Variants in EIF6 observed in about 807,000 individuals in gnomAD.
The protein encoded by EIF6 is eukaryotic translation initiation factor 6.
In EIF6, 10 loss-of-function variants were observed where a neutral mutation model predicts 25.5. That is an observed-to-expected ratio of 0.39 (90% CI 0.24 to 0.66). The LOEUF (loss-of-function observed/expected upper bound fraction) is 0.66. EIF6 is among the 30% of genes least tolerant of loss of function. The pLI is 0.45. For synonymous variants in EIF6, 122 were observed against 122.6 expected (o/e 1.00, Z 0.03); for missense variants, 246 against 315.4 (o/e 0.78, Z 1.67).
intron 4 of EIF6, 78 bp downstream of exon 4, chr20:35,280,576 T>A (rs954703811): frequency 6.5e-7 from 1 of 1,539,432 alleles, no homozygotes; most frequent in Non-Finnish European, 8.8e-7. Flanking sequence ...CCCTAATTGC[T>A]GCCTGTTGGG....
At chr20:35,283,267 CAA>C (rs2060792122) in intron 3 of EIF6, among the ~76,000 whole-genome samples, 1 of 149,824 alleles carries the variant, frequency 6.7e-6, no homozygotes, top group Admixed American at 6.6e-5. Flanking sequence ...GCCTGGGCAA[CAA>C]GAGCGAAAAC....
At position 35,284,709 on chromosome 20, in the gene EIF6, C is replaced by A. The variant is rs2060811378; in HGVS notation, c.-6+17G>T. 1 of 589,410 alleles carries A rather than the reference C, an allele frequency of 1.7e-6. No homozygotes were observed. Among genetic ancestry groups the A allele is most frequent in the Non-Finnish European group, 3.0e-6 (1 of 333,834 alleles). 36.5% of individuals were successfully genotyped at this position (589,410 alleles called of 1,614,324 possible). ...GACCGGAGCTGACCCTCCCAGGTTC[C>A]CCTCACACCAGCTTACCAAGTAACC... On this transcript the variant is annotated intron_variant, in intron 1 of 6. Transcript: ENST00000374450.
At chr20:35,284,147 C>T (rs775731423) in intron 3 of EIF6, 29 bp downstream of exon 3, 1 of 1,558,384 alleles carries the variant, frequency 6.4e-7, no homozygotes, top group Admixed American at 1.8e-5. Context: ...GAGACCACTC[C>T]CTCCCTCGGC....
chr20:35,280,174 G>A, intron 4 of EIF6, 56 bp from the exon 5 acceptor site: 1 of 1,581,480 alleles, frequency 6.3e-7, no homozygotes, highest in South Asian at 1.1e-5. Flanking sequence ...CAGAACCAAG[G>A]TTCTCCATGC....
At chr20:35,284,111 T>G in intron 3 of EIF6, 65 bp downstream of exon 3, 1 of 1,522,756 alleles carries the variant, frequency 6.6e-7, no homozygotes, top group Middle Eastern at 1.8e-4. Context: ...CCGGGTTCCC[T>G]CCGGGGGTGT....
chr20:35,284,054 T>C, intron 3 of EIF6, 122 bp downstream of exon 3: 3 of 1,268,450 alleles, frequency 2.4e-6, no homozygotes, highest in Admixed American at 2.4e-5. Flanking sequence ...AGAGATTCTA[T>C]AGTGCCCAGA....
At position 35,280,770 on chromosome 20, in the gene EIF6, G is replaced by A. The variant is rs372111214; in HGVS notation, c.253C>T (p.Arg85Cys). 23 of 1,614,010 alleles carry A rather than the reference G, an allele frequency of 1.4e-5. No individual in the cohort carries two copies. The highest frequency in any genetic ancestry group is 2.2e-5 in the East Asian group (1 of 44,898). Residue 85 changes from arginine (R) to cysteine (C), a missense_variant, in exon 4 of 7, where the codon CGC (arginine) becomes TGC (cysteine). Coordinates refer to ENST00000374450, the MANE Select transcript of EIF6 (RefSeq NM_002212.4). ...TGCACTGTGTCTGGGAGGCTGTTGC[G>A]AATGTGTTGCAGCTCCTGGTCGGTG... ...NTTDQELQHI[R>C]NSLPDTVQIR... is the part of the protein sequence containing the mutation.
chr20:35,283,690 C>T (rs907555859), intron 3 of EIF6, among the ~76,000 whole-genome samples: 1 of 151,844 alleles, frequency 6.6e-6, no homozygotes, highest in African/African-American at 2.4e-5. Context: ...GCCCTAGCTA[C>T]CTGGTAGGCT....
chr20:35,280,257 G>A (rs1258663577), intron 4 of EIF6, 139 bp from the exon 5 acceptor site: 2 of 945,468 alleles, frequency 2.1e-6, no homozygotes, highest in South Asian at 1.7e-5. Context: ...GCCTCACCCA[G>A]AGAAAGGAGG....
chr20:35,284,630 C>T, intron 1 of EIF6, 96 bp downstream of exon 1: 1 of 1,000,566 alleles, frequency 1.0e-6, no homozygotes, highest in Non-Finnish European at 1.4e-6. Flanking sequence ...CCCACTGGGC[C>T]CCCACCAGAA....
intron 3 of EIF6, 117 bp downstream of exon 3, chr20:35,284,059 C>T (rs1024544609): frequency 9.1e-6 from 12 of 1,311,972 alleles, no homozygotes; most frequent in Non-Finnish European, 1.1e-5. Flanking sequence ...TTCTATAGTG[C>T]CCAGAGATAA....
Position 35,280,834 on chromosome 20 carries a change from A to G in EIF6, c.194-5T>C. ...CCAGGAGACCGTGCCTGTTCCCTGGAGAAACCCAAATTAGAGGGTGAATAC... is the reference window on the plus strand; with the variant it reads ...CCAGGAGACCGTGCCTGTTCCCTGGGGAAACCCAAATTAGAGGGTGAATAC... On this transcript the variant is annotated splice_polypyrimidine_tract_variant and splice_region_variant and intron_variant, in intron 3 of 6. Transcript: ENST00000374450. 1 of 1,613,542 alleles carries G rather than the reference A, an allele frequency of 6.2e-7. No individual in the cohort carries two copies. The highest frequency in any genetic ancestry group is 8.5e-7 in the Non-Finnish European group (1 of 1,179,800).
At chr20:35,280,431 TG>T (rs1261682791) in intron 4 of EIF6, among the ~76,000 whole-genome samples, 1 of 152,198 alleles carries the variant, frequency 6.6e-6, no homozygotes, top group Non-Finnish European at 1.5e-5. Context: ...CAGGACTGGA[TG>T]GTTCAATCTC....
At chr20:35,283,287 C>CAA (rs199899332) in intron 3 of EIF6, among the ~76,000 whole-genome samples, 2 of 137,106 alleles carry the variant, frequency 1.5e-5, no homozygotes, top group South Asian at 5.1e-4. Context: ...AACTCCATCT[C>CAA]AAAAAAAAAT....
At position 35,279,088 on chromosome 20, in the gene EIF6, T is replaced by G; in HGVS notation, c.*109A>C. 5.1e-5 allele frequency: 74 copies of G among 1,445,740 alleles called. No homozygotes were observed. Among genetic ancestry groups the G allele is most frequent in the Non-Finnish European group, 6.8e-5 (70 of 1,034,438 alleles). 89.6% of individuals were successfully genotyped at this position (1,445,740 alleles called of 1,614,324 possible). Reference sequence around the variant, plus strand: ...TGGGTGCCCAGCCCCTCAGTCCCAGTGAGCTCTCTGCCACCTCCCTGCCAG... The same window carrying G: ...TGGGTGCCCAGCCCCTCAGTCCCAGGGAGCTCTCTGCCACCTCCCTGCCAG... On this transcript the variant is annotated 3_prime_UTR_variant, in exon 7 of 7. Transcript: ENST00000374450.
At chr20:35,279,320 A>G in intron 6 of EIF6, 114 bp from the exon 7 acceptor site, 1 of 1,415,898 alleles carries the variant, frequency 7.1e-7, no homozygotes, top group African/African-American at 1.4e-5. Flanking sequence ...AAGCTGCTCA[A>G]GCAGCTACTG....
intron 3 of EIF6, among the ~76,000 whole-genome samples, 175 bp from the exon 4 acceptor site, chr20:35,281,004 A>C (rs1187105573): frequency 6.6e-6 from 1 of 152,180 alleles, no homozygotes; most frequent in Non-Finnish European, 1.5e-5. Flanking sequence ...ACCACCCAGG[A>C]ATCCCAATAA....
intron 3 of EIF6, among the ~76,000 whole-genome samples, chr20:35,283,542 A>G (rs568656628): frequency 6.3e-4 from 96 of 152,316 alleles, no homozygotes; most frequent in Non-Finnish European, 1.1e-3. Context: ...GCTCTCGCCT[A>G]TAATCCCAAC....
chr20:35,280,058 C>A lies in EIF6; in HGVS notation c.430G>T (p.Asp144Tyr), dbSNP rs144752898. The change falls in exon 5 of 7, where the codon GAC becomes TAC. Residue 144 changes from aspartate to tyrosine, a missense_variant. Physicochemically the swap from Asp to Tyr is radical, Grantham distance 160. Transcript: ENST00000374450. ...KVEVFRQTVA[D>Y]QVLVGSYCVF... Reference sequence around the variant, plus strand: ...CAGTAGCTTCCTACTAGCACCTGGTCGGCCACTGTCTGTCTGAAGACTTCC... The same window carrying A: ...CAGTAGCTTCCTACTAGCACCTGGTAGGCCACTGTCTGTCTGAAGACTTCC... The A allele has an allele frequency of 6.2e-7, 1 of 1,614,098 alleles. No homozygotes were observed. The highest frequency in any genetic ancestry group is 1.3e-5 in the African/African-American group (1 of 74,924).
Sources: gnomAD v4.1 joint callset for allele counts (sites outside exome capture counted in the v4.1 genomes callset) on GRCh38, gnomAD v4.1.1 for gene constraint, MANE v1.5 for transcripts, NCBI Gene and HGNC (gene_info 2026-07-23, HGNC 2026-07-21) for gene names.